EPSTI1: variants seen among roughly 807,000 people sequenced by gnomAD.
EPSTI1 encodes epithelial-stromal interaction protein 1.
In EPSTI1, 66 loss-of-function variants were observed where a neutral mutation model predicts 49.9. The observed-to-expected ratio is 1.32, with a 90% CI of 1.08 to 1.62. The LOEUF (loss-of-function observed/expected upper bound fraction) is 1.62. Ranked by LOEUF, EPSTI1 falls within the 40% of genes most tolerant of loss-of-function variation. The pLI, the probability that EPSTI1 is intolerant of heterozygous loss-of-function variation, is 0.00. For synonymous variants in EPSTI1, 137 were observed against 130.7 expected (o/e 1.05, Z -0.33); for missense variants, 394 against 365.5 (o/e 1.08, Z -0.64).
Position 42,922,716 on chromosome 13 carries a change from CT to C in EPSTI1, c.657+3619del, listed in dbSNP as rs1260396517. 6.6e-6 allele frequency among the ~76,000 whole-genome samples: 1 copy of C among 152,086 alleles called. No individual in the cohort carries two copies. The highest frequency in any genetic ancestry group is 2.4e-5 in the African/African-American group (1 of 41,398). On this transcript the variant is annotated intron_variant, in intron 7 of 10. Transcript: ENST00000313624. The surrounding 1 kb of genome is among the most constrained non-coding windows in gnomAD (Gnocchi z 4.8). ...GGCGCAAAGGGACACATGTTAAGTACTTTATTTGACTTCTTAATGAATGAGC... is the reference window on the plus strand; with the variant it reads ...GGCGCAAAGGGACACATGTTAAGTACTTATTTGACTTCTTAATGAATGAGC...
intron 1 of EPSTI1, among the ~76,000 whole-genome samples, chr13:42,975,538 T>C (rs78707138): frequency 4.9e-4 from 75 of 152,304 alleles, no homozygotes; most frequent in African/African-American, 1.7e-3. Context: ...GGCCTTTGTT[T>C]ATAGGATGCC....
chr13:42,917,241 G>C (rs2037855592), intron 8 of EPSTI1, among the ~76,000 whole-genome samples: 1 of 151,890 alleles, frequency 6.6e-6, no homozygotes, highest in African/African-American at 2.4e-5. Context: ...GATGGTGGTG[G>C]TGTTTTGTTT....
chr13:42,912,755 G>A (rs2037723172), intron 8 of EPSTI1, among the ~76,000 whole-genome samples: 1 of 151,522 alleles, frequency 6.6e-6, no homozygotes, highest in Non-Finnish European at 1.5e-5. Context: ...CAAATAAGCA[G>A]AATGAAAAGT....
chr13:42,942,744 A>AGTGGC (rs1184038445), intron 6 of EPSTI1, among the ~76,000 whole-genome samples: 7 of 130,544 alleles, frequency 5.4e-5, no homozygotes, highest in Middle Eastern at 4.5e-3. Context: ...TGCAGACTGC[A>AGTGGC]GTGGCGCAAT....
chr13:42,921,142 A>G lies in EPSTI1; in HGVS notation c.658-3518T>C, dbSNP rs1594649360. Among the ~76,000 whole-genome samples, 4 of 152,302 alleles carry G rather than the reference A, an allele frequency of 2.6e-5. No homozygotes were observed. The East Asian group carries it at 7.7e-4, about 29-fold the overall frequency. On this transcript the variant is annotated intron_variant, in intron 7 of 10. Transcript: ENST00000313624. ...ACACAAGAAAATCATCTAGAACTAG[A>G]GATGAATTTCCAGACCGAAAATGAA...
chr13:42,915,040 C>A (rs2037791933), intron 8 of EPSTI1, among the ~76,000 whole-genome samples: 1 of 152,126 alleles, frequency 6.6e-6, no homozygotes, highest in Non-Finnish European at 1.5e-5. Context: ...CTAAACTTAA[C>A]CTAGATTATT....
At chr13:42,932,333 G>A (rs558218334) in intron 6 of EPSTI1, among the ~76,000 whole-genome samples, 1 of 152,170 alleles carries the variant, frequency 6.6e-6, no homozygotes, top group African/African-American at 2.4e-5. Context: ...CAGAACCATG[G>A]CTAACCTCCT....
At chr13:42,955,047 G>T (rs2039216366) in intron 5 of EPSTI1, among the ~76,000 whole-genome samples, 1 of 152,096 alleles carries the variant, frequency 6.6e-6, no homozygotes, top group East Asian at 1.9e-4. Flanking sequence ...AAGGCAAAAT[G>T]GATGATGATT....
At chr13:42,901,295 C>CA (rs918272902) in intron 8 of EPSTI1, among the ~76,000 whole-genome samples, 14 of 152,154 alleles carry the variant, frequency 9.2e-5, no homozygotes, top group Non-Finnish European at 1.6e-4. Context: ...GAAAAGTATA[C>CA]AAAAAAACTC....
chr13:42,964,017 G>A (rs2039535864), intron 4 of EPSTI1, 49 bp downstream of exon 4: 1 of 1,474,650 alleles, frequency 6.8e-7, no homozygotes, highest in African/African-American at 1.4e-5. Context: ...TGTAAGAGCT[G>A]GTACTCATAT....
intron 8 of EPSTI1, among the ~76,000 whole-genome samples, chr13:42,905,663 T>C (rs755870871): frequency 1.3e-5 from 2 of 152,218 alleles, no homozygotes; most frequent in Non-Finnish European, 2.9e-5. Context: ...ACTCAATGCA[T>C]ATTGTCACAC....
At chr13:42,893,300 A>G (rs748839599) in intron 10 of EPSTI1, among the ~76,000 whole-genome samples, 1 of 152,114 alleles carries the variant, frequency 6.6e-6, no homozygotes, top group African/African-American at 2.4e-5. Flanking sequence ...TAGAGAGGAG[A>G]GAGTATTATT....
chr13:42,910,257 CT>C (rs71099807), intron 8 of EPSTI1, among the ~76,000 whole-genome samples: 13,108 of 97,422 alleles, frequency 0.13, 359 homozygotes, highest in South Asian at 0.18. Flanking sequence ...TTAACCAAAT[CT>C]TTTTTTTTTT....
intron 8 of EPSTI1, among the ~76,000 whole-genome samples, chr13:42,912,283 C>G (rs1480914380): frequency 6.6e-6 from 1 of 152,206 alleles, no homozygotes; most frequent in African/African-American, 2.4e-5. Flanking sequence ...TTTAGATGAT[C>G]AGTTAGAAAA....
chr13:42,938,914 C>CAAAAAAAAAAAAAAAAAAAAAAAAAAAAA, intron 6 of EPSTI1, among the ~76,000 whole-genome samples: 1 of 59,676 alleles, frequency 1.7e-5, no homozygotes, highest in Non-Finnish European at 2.8e-5. Flanking sequence ...GACTCTGTCT[C>CAAAAAAAAAAAAAAAAAAAAAAAAAAAAA]AAAAAAAAAA....
At chr13:42,963,518 C>T (rs760019592) in intron 4 of EPSTI1, 180 bp from the exon 5 acceptor site, 12 of 584,508 alleles carry the variant, frequency 2.1e-5, no homozygotes, top group Non-Finnish European at 2.4e-5. Context: ...ACGTCTTCTG[C>T]CCGTGAAATT....
intron 6 of EPSTI1, among the ~76,000 whole-genome samples, chr13:42,939,204 T>C (rs1037351792): frequency 6.6e-6 from 1 of 152,246 alleles, no homozygotes; most frequent in Admixed American, 6.5e-5. Flanking sequence ...TGGTCTGATC[T>C]TCTATCCAGA....
intron 7 of EPSTI1, among the ~76,000 whole-genome samples, chr13:42,920,223 C>T (rs866657108): frequency 1.7e-4 from 26 of 152,150 alleles, no homozygotes; most frequent in African/African-American, 5.6e-4. Context: ...GTGTGGGTCT[C>T]AACCCATGAC....
chr13:42,952,365 G>A (rs567389944), intron 6 of EPSTI1, among the ~76,000 whole-genome samples: 4 of 152,264 alleles, frequency 2.6e-5, no homozygotes, highest in African/African-American at 4.8e-5. Flanking sequence ...TGAAGTGAGC[G>A]AGTCCAAGAG....
Sources: allele counts gnomAD v4.1 joint callset (sites outside exome capture counted in the v4.1 genomes callset), GRCh38; gene constraint gnomAD v4.1.1; non-coding constraint Gnocchi (gnomAD v3.1); transcripts MANE v1.5; gene names NCBI Gene and HGNC (gene_info 2026-07-23, HGNC 2026-07-21).